SURF2: variants seen among roughly 807,000 people sequenced by gnomAD.
SURF2 encodes surfeit 2.
In SURF2, 32 loss-of-function variants were observed where a neutral mutation model predicts 26.2. That is an observed-to-expected ratio of 1.22 (90% confidence interval 0.92 to 1.64). The LOEUF (loss-of-function observed/expected upper bound fraction) is 1.64, where lower values mean the gene tolerates loss of function less well. Ranked by LOEUF, SURF2 falls within the 40% of genes most tolerant of loss-of-function variation. The pLI is 0.00. For synonymous variants in SURF2, 173 were observed against 139.1 expected, an observed-to-expected ratio of 1.24 and a Z score of -1.71; for missense variants, 415 against 341.6, an observed-to-expected ratio of 1.21 and a Z score of -1.69.
rs1228276654 is a variant in SURF2, at chr9:133,359,972, G to A, written c.360G>A (p.Gly120=). 3 of 1,612,744 alleles carry A rather than the reference G, an allele frequency of 1.9e-6. No individual in the cohort carries two copies. Among genetic ancestry groups the A allele is most frequent in the Non-Finnish European group, 2.5e-6 (3 of 1,179,206 alleles). ...LCKYEECQKQ[G]VEYVPACLVH... ...CAGATGAAGAATGTCAGAAGCAAGG[G>A]GTGGAGTACGTGCCTGCCTGCCTGG... Residue 120 remains glycine, a synonymous_variant, in exon 4 of 6, where the codon GGG becomes GGA. Transcript: ENST00000371964.
chr9:133,357,845 C>T, intron 3 of SURF2, 31 bp downstream of exon 3: 3 of 1,603,266 alleles, frequency 1.9e-6, no homozygotes, highest in East Asian at 2.2e-5. Context: ...ATCAGTGCAT[C>T]GCCATCTGAG....
At chr9:133,358,091 G>A (rs1440091699) in intron 3 of SURF2, among the ~76,000 whole-genome samples, 1 of 152,154 alleles carries the variant, frequency 6.6e-6, no homozygotes, top group Non-Finnish European at 1.5e-5. Flanking sequence ...GTGGGCTTGC[G>A]GAGACAGGAG....
rs1277037728 is a variant in SURF2 at position 133,357,012 on chromosome 9, C to T, written c.177C>T (p.Ser59=). ...AGTACCAGCGGCTGGTCCGCGCCTC[C>T]CCGGCCTTCGACTATGCAGAGTTCG... The part of the protein sequence containing the change: ...GKKYQRLVRA[S]PAFDYAEFEP... The change falls in exon 2 of 6, where the codon TCC becomes TCT. Residue 59 remains serine, a synonymous_variant. Coordinates refer to ENST00000371964, the MANE Select transcript of SURF2 (RefSeq NM_017503.5). 1 of 1,571,986 alleles carries T rather than the reference C, an allele frequency of 6.4e-7. No homozygotes were observed. Among genetic ancestry groups the T allele is most frequent in the Non-Finnish European group, 8.6e-7 (1 of 1,160,028 alleles).
rs1245932483 is a variant in SURF2 at position 133,360,948 on chromosome 9, T to C, written c.688-108T>C. The C allele has an allele frequency of 6.0e-6, 7 of 1,167,718 alleles. No homozygotes were observed. The Admixed American group carries it at 7.6e-5, about 13-fold the overall frequency. The allele number at this position is 1,167,718 out of a possible 1,614,324, so 72.3% of individuals were successfully genotyped here. A position where few individuals can be genotyped will look rare whatever the true frequency, so the allele number is the denominator to read the frequency against. On this transcript the variant is annotated intron_variant, in intron 5 of 5. Coordinates refer to ENST00000371964, the MANE Select transcript of SURF2 (RefSeq NM_017503.5). ...GGGTGGAGAAAGCCTCTGTGGGTAT[T>C]TGACCGACACCTCTGAGGCTGTGTG...
intron 3 of SURF2, 89 bp downstream of exon 3, chr9:133,357,903 C>T (rs987966165): frequency 2.3e-6 from 3 of 1,302,882 alleles, no homozygotes; most frequent in South Asian, 2.5e-5. Context: ...GGCAGGTCGT[C>T]CTTCAGCGAT....
chr9:133,360,199 C>G, intron 4 of SURF2, 66 bp from the exon 5 acceptor site: 2 of 1,594,978 alleles, frequency 1.3e-6, no homozygotes, highest in Non-Finnish European at 1.7e-6. Flanking sequence ...GGTGCTGCCT[C>G]CCCTGCAAAG....
chr9:133,357,118 C>T (rs2130032982), intron 2 of SURF2, 50 bp downstream of exon 2: 137 of 1,471,784 alleles, frequency 9.3e-5, no homozygotes, highest in African/African-American at 2.9e-4. Flanking sequence ...TAGGACAGCC[C>T]CTCCGCTGGA....
In SURF2 at chr9:133,360,011, G is replaced by A. The variant is rs2130046145; in HGVS notation, c.399G>A (p.Arg133=). 5.6e-6 allele frequency: 9 copies of A among 1,614,032 alleles called. No homozygotes were observed. Among genetic ancestry groups the A allele is most frequent in the African/African-American group, 4.0e-5 (3 of 74,954 alleles). The part of the protein sequence containing the change: ...YVPACLVHRR[R]RREDQMDGDG... ...CTGCCTGCCTGGTGCACCGGAGGAG[G>A]AGGAGGGAGGACCAGATGGACGGTG... Residue 133 remains arginine (R), a synonymous_variant, in exon 4 of 6, where the codon AGG becomes AGA. Coordinates refer to ENST00000371964, the MANE Select transcript of SURF2 (RefSeq NM_017503.5).
At chr9:133,358,018 T>C (rs1442938447) in intron 3 of SURF2, among the ~76,000 whole-genome samples, 5 of 151,866 alleles carry the variant, frequency 3.3e-5, no homozygotes, top group African/African-American at 9.7e-5. Context: ...AGAAGCAGGC[T>C]CGGGAGTGAG....
chr9:133,358,169 G>A (rs2130038766), intron 3 of SURF2, among the ~76,000 whole-genome samples: 2 of 152,160 alleles, frequency 1.3e-5, no homozygotes, highest in Admixed American at 6.5e-5. Context: ...CAGTGGGGTC[G>A]GGGGAACAGC....
chr9:133,356,617 C>T lies in SURF2; in HGVS notation c.25C>T (p.Arg9Trp). The T allele has an allele frequency of 6.6e-7, 1 of 1,525,662 alleles. No individual in the cohort carries two copies. The highest frequency in any genetic ancestry group is 8.7e-7 in the Non-Finnish European group (1 of 1,143,460). 94.5% of individuals were successfully genotyped at this position (1,525,662 alleles called of 1,614,324 possible). A position where few individuals can be genotyped will look rare whatever the true frequency, so the allele number is the denominator to read the frequency against. The change falls in exon 1 of 6, where the codon CGG becomes TGG. Residue 9 changes from arginine to tryptophan, a missense_variant. Physicochemically the swap from Arg to Trp is moderately radical, Grantham distance 101. Coordinates refer to ENST00000371964, the MANE Select transcript of SURF2 (RefSeq NM_017503.5). MSELPGDV[R>W]AFLREHPSLR... ...CATGAGCGAGTTGCCGGGCGACGTG[C>T]GGGCGTTTCTGCGGGAGCACCCGAG...
chr9:133,359,954 A>G lies in SURF2; in HGVS notation c.342A>G (p.Glu114=). 2 of 1,608,766 alleles carry G rather than the reference A, an allele frequency of 1.2e-6. No individual in the cohort carries two copies. The highest frequency in any genetic ancestry group is 8.5e-7 in the Non-Finnish European group (1 of 1,176,938). The change falls in exon 4 of 6, where the codon GAA becomes GAG. Residue 114 remains glutamate (E), a synonymous_variant. Coordinates refer to ENST00000371964, the MANE Select transcript of SURF2 (RefSeq NM_017503.5). ...ACGTGCTGGCTTATCTCCCAGATGA[A>G]GAATGTCAGAAGCAAGGGGTGGAGT... is the stretch of plus-strand genomic sequence containing the variant. ...RRYQRALCKY[E]ECQKQGVEYV...
chr9:133,357,925 C>T, intron 3 of SURF2, 111 bp downstream of exon 3: 2 of 1,015,842 alleles, frequency 2.0e-6, no homozygotes, highest in Non-Finnish European at 2.9e-6. Context: ...CGTGTTGATG[C>T]ATCAGGCCTG....
intron 3 of SURF2, among the ~76,000 whole-genome samples, chr9:133,359,210 G>GGGCT (rs1302736042): frequency 6.6e-6 from 1 of 152,156 alleles, no homozygotes; most frequent in Non-Finnish European, 1.5e-5. Context: ...GGCTGTAAGG[G>GGGCT]GGCTCTGCCT....
rs2130056705 is a variant in SURF2 at position 133,361,053 on chromosome 9, C to T, written c.688-3C>T. On this transcript the variant is annotated splice_polypyrimidine_tract_variant and splice_region_variant and intron_variant, in intron 5 of 5. Transcript: ENST00000371964. ...AGTAATCAGAATTTTGTTTATCCCA[C>T]AGAAGCAGTTGGGCTCGTTGAAAAA... The T allele has an allele frequency of 6.2e-7, 1 of 1,614,132 alleles. No individual in the cohort carries two copies. The highest frequency in any genetic ancestry group is 1.1e-5 in the South Asian group (1 of 91,088).
chr9:133,358,522 AAGG>A (rs1836671262), intron 3 of SURF2, among the ~76,000 whole-genome samples: 1 of 152,130 alleles, frequency 6.6e-6, no homozygotes, highest in Non-Finnish European at 1.5e-5. Flanking sequence ...GTGCTGGATG[AAGG>A]AGATGGTTGC....
In SURF2 at chr9:133,360,261, C is replaced by T. The variant is rs1836727679; in HGVS notation, c.518-4C>T. The T allele has an allele frequency of 6.2e-7, 1 of 1,612,930 alleles. No homozygotes were observed. Among genetic ancestry groups the T allele is most frequent in the African/African-American group, 1.3e-5 (1 of 74,850 alleles). Reference sequence around the variant, plus strand: ...CTGTCAGCCAATCCCTGTGTTCCTCCCAGCTGAGCTATTCACCAGAAAGGA... The same window carrying T: ...CTGTCAGCCAATCCCTGTGTTCCTCTCAGCTGAGCTATTCACCAGAAAGGA... On this transcript the variant is annotated splice_polypyrimidine_tract_variant and splice_region_variant and intron_variant, in intron 4 of 5. Transcript: ENST00000371964.
chr9:133,360,256 T>C lies in SURF2; in HGVS notation c.518-9T>C. 2 of 1,612,718 alleles carry C rather than the reference T, an allele frequency of 1.2e-6. No individual in the cohort carries two copies. The highest frequency in any genetic ancestry group is 1.7e-6 in the Non-Finnish European group (2 of 1,179,344). ...AATAACTGTCAGCCAATCCCTGTGT[T>C]CCTCCCAGCTGAGCTATTCACCAGA... On this transcript the variant is annotated splice_polypyrimidine_tract_variant and intron_variant, in intron 4 of 5. Coordinates refer to ENST00000371964, the MANE Select transcript of SURF2 (RefSeq NM_017503.5).
At chr9:133,360,526 C>T in intron 5 of SURF2, 92 bp downstream of exon 5, 2 of 1,386,418 alleles carry the variant, frequency 1.4e-6, no homozygotes, top group Non-Finnish European at 1.9e-6. Context: ...ACCTTTTTCA[C>T]AAGTGAAATC....
Sources: allele counts gnomAD v4.1 joint callset (sites outside exome capture counted in the v4.1 genomes callset), GRCh38; gene constraint gnomAD v4.1.1; transcripts MANE v1.5; gene names NCBI Gene and HGNC (gene_info 2026-07-23, HGNC 2026-07-21).